The following SMC6 variants were observed in gnomAD, a reference collection of about 807,000 sequenced individuals.
The protein encoded by SMC6 is structural maintenance of chromosomes protein 6.
A neutral mutation model predicts 142.2 loss-of-function variants in SMC6; 79 were observed. The ratio of observed to expected loss-of-function variants is 0.56; its 90% CI spans 0.46 to 0.67. SMC6 has a LOEUF of 0.67. SMC6 is among the 30% of genes least tolerant of loss of function. The pLI is 0.00. For synonymous variants in SMC6, 411 were observed against 412.4 expected, an observed-to-expected ratio of 1.00 and a Z score of 0.04; for missense variants, 1,072 against 1,284.0, an observed-to-expected ratio of 0.83 and a Z score of 2.52.
rs776816099 is a variant in SMC6 at position 17,738,342 on chromosome 2, T to C, written c.239-16A>G. The C allele has an allele frequency of 1.9e-6, 3 of 1,572,554 alleles. No individual in the cohort carries two copies. The highest frequency in any genetic ancestry group is 2.6e-6 in the Non-Finnish European group (3 of 1,156,078). The stretch of plus-strand genomic sequence containing the variant: ...CTCTTCCCACCTAAAGAAACAGATG[T>C]TGAAGAAATCACATTCATTAAAAGA... On this transcript the variant is annotated splice_polypyrimidine_tract_variant and intron_variant, in intron 4 of 27. Coordinates refer to ENST00000448223, the MANE Select transcript of SMC6 (RefSeq NM_001142286.2).
At chr2:17,750,798 C>T (rs992642176) in intron 2 of SMC6, among the ~76,000 whole-genome samples, 3 of 151,788 alleles carry the variant, frequency 2.0e-5, no homozygotes, top group Admixed American at 6.6e-5. Flanking sequence ...GTCAGGAGTT[C>T]GAGACCAGCC....
chr2:17,690,234 AAATT>A (rs1572269981), intron 23 of SMC6, among the ~76,000 whole-genome samples: 1 of 152,238 alleles, frequency 6.6e-6, no homozygotes, highest in East Asian at 1.9e-4. Context: ...TTCACTGAAT[AAATT>A]AACAATGAAA....
intron 14 of SMC6, among the ~76,000 whole-genome samples, 191 bp from the exon 15 acceptor site, chr2:17,716,455 A>G (rs937218316): frequency 2.0e-5 from 3 of 152,132 alleles, no homozygotes; most frequent in Admixed American, 2.0e-4. Flanking sequence ...AACTTGGCAT[A>G]AAAAAAGTAA....
chr2:17,690,894 T>G (rs913423664), intron 23 of SMC6, among the ~76,000 whole-genome samples: 1 of 151,558 alleles, frequency 6.6e-6, no homozygotes, highest in Admixed American at 6.6e-5. Flanking sequence ...ACATCGCTAA[T>G]GGGAATGCAA....
At chr2:17,702,586 T>C (rs904392046) in intron 19 of SMC6, among the ~76,000 whole-genome samples, 4 of 152,196 alleles carry the variant, frequency 2.6e-5, no homozygotes, top group African/African-American at 9.6e-5. Context: ...TGAATTGATA[T>C]GGTTTGGCTG....
chr2:17,692,311 C>CA (rs1261811553), intron 23 of SMC6, among the ~76,000 whole-genome samples: 3 of 152,156 alleles, frequency 2.0e-5, no homozygotes, highest in Admixed American at 2.0e-4. Flanking sequence ...AACTATACTA[C>CA]AAGGCTACAG....
chr2:17,743,043 GA>G (rs1670557074), intron 3 of SMC6, among the ~76,000 whole-genome samples: 1 of 152,086 alleles, frequency 6.6e-6, no homozygotes, highest in South Asian at 2.1e-4. Flanking sequence ...AGCCTCTTGG[GA>G]CTGGCTTTTT....
intron 23 of SMC6, among the ~76,000 whole-genome samples, chr2:17,691,839 T>G (rs571497929): frequency 6.6e-6 from 1 of 152,300 alleles, no homozygotes; most frequent in South Asian, 2.1e-4. Flanking sequence ...AAAATCTCCT[T>G]AAGCTGATAG....
chr2:17,706,804 C>T (rs566751206), intron 18 of SMC6, among the ~76,000 whole-genome samples: 8 of 152,248 alleles, frequency 5.3e-5, no homozygotes, highest in South Asian at 2.1e-4. Context: ...TAGAACTGTG[C>T]ACCTCAAAGT....
At chr2:17,685,522 GAACA>G (rs1166375543) in intron 23 of SMC6, among the ~76,000 whole-genome samples, 3 of 151,954 alleles carry the variant, frequency 2.0e-5, no homozygotes, top group East Asian at 1.9e-4. Flanking sequence ...AAGCAAAAAA[GAACA>G]AACAACTTTT....
At chr2:17,718,335 T>C in intron 11 of SMC6, 112 bp from the exon 12 acceptor site, 2 of 620,344 alleles carry the variant, frequency 3.2e-6, no homozygotes, top group Non-Finnish European at 5.0e-6. Flanking sequence ...ACTCAAGACA[T>C]CAGGCAAATA....
intron 11 of SMC6, 94 bp downstream of exon 11, chr2:17,720,846 C>T: frequency 1.9e-6 from 2 of 1,066,884 alleles, no homozygotes; most frequent in Admixed American, 2.1e-5. Flanking sequence ...AATATACTGT[C>T]TGAAACTGAT....
rs780495181 is a variant in SMC6, at chr2:17,707,401, A to C, written c.1846-22T>G. The C allele has an allele frequency of 2.8e-6, 4 of 1,410,584 alleles. No homozygotes were observed. The African/African-American group carries it at 4.4e-5, about 16-fold the overall frequency. 87.4% of individuals were successfully genotyped at this position (1,410,584 alleles called of 1,614,324 possible). A position where few individuals can be genotyped will look rare whatever the true frequency, so the allele number is the denominator to read the frequency against. On this transcript the variant is annotated intron_variant, in intron 17 of 27. Coordinates refer to ENST00000448223, the MANE Select transcript of SMC6 (RefSeq NM_001142286.2). ...TATTCTAAAAGAATAGAAGAAAATA[A>C]ATTTTTTAAGACGATGTGAAAATTT...
intron 19 of SMC6, 142 bp downstream of exon 19, chr2:17,703,015 T>G: frequency 2.2e-6 from 1 of 447,982 alleles, no homozygotes; most frequent in Non-Finnish European, 3.9e-6. Context: ...CCCACATAAA[T>G]GAAAGCTCTT....
intron 11 of SMC6, 47 bp from the exon 12 acceptor site, chr2:17,718,270 A>T: frequency 1.5e-6 from 2 of 1,366,964 alleles, no homozygotes; most frequent in African/African-American, 1.5e-5. Context: ...TTCAATAGAG[A>T]GAATTTTAAA....
At chr2:17,695,730 C>A (rs1340431293) in intron 22 of SMC6, among the ~76,000 whole-genome samples, 2 of 152,168 alleles carry the variant, frequency 1.3e-5, no homozygotes, top group Non-Finnish European at 2.9e-5. Context: ...TTTATATTCA[C>A]AACTTTCTGT....
At chr2:17,751,399 G>A (rs969911553) in intron 2 of SMC6, among the ~76,000 whole-genome samples, 1 of 149,988 alleles carries the variant, frequency 6.7e-6, no homozygotes, top group Non-Finnish European at 1.5e-5. Flanking sequence ...AGAATCGCTT[G>A]AACCCGGGAG....
rs953013521 is a variant in SMC6, at chr2:17,664,705, G to T, written c.*794C>A. 1.1e-4 allele frequency: 16 copies of T among 152,150 alleles called. No homozygotes were observed. Among genetic ancestry groups the T allele is most frequent in the African/African-American group, 3.6e-4 (15 of 41,414 alleles). The allele number at this position is 152,150 out of a possible 1,614,324, so 9.4% of individuals were successfully genotyped here. ...GCTCACCATCAACTGCATGGCCTCA[G>T]GCTCCTGGAGCCATGAGCTACTCTC... On this transcript the variant is annotated 3_prime_UTR_variant, in exon 28 of 28. Coordinates refer to ENST00000448223, the MANE Select transcript of SMC6 (RefSeq NM_001142286.2).
chr2:17,677,476 C>CAA (rs1667047514), intron 25 of SMC6, among the ~76,000 whole-genome samples: 1 of 152,150 alleles, frequency 6.6e-6, no homozygotes, highest in Non-Finnish European at 1.5e-5. Context: ...CTAGACTACT[C>CAA]AAAGTCCAGA....
Sources: allele counts gnomAD v4.1 joint callset (sites outside exome capture counted in the v4.1 genomes callset), GRCh38; gene constraint gnomAD v4.1.1; transcripts MANE v1.5; gene names NCBI Gene and HGNC (gene_info 2026-07-23, HGNC 2026-07-21).